Variants in ALKBH8 observed in about 807,000 individuals in gnomAD.
ALKBH8 encodes the protein tRNA (carboxymethyluridine(34)-5-O)-methyltransferase ALKBH8.
Under a neutral mutation model 59.8 loss-of-function variants are expected in ALKBH8, and 36 were observed. The ratio of observed to expected loss-of-function variants is 0.60; its 90% CI spans 0.46 to 0.79. ALKBH8 has a LOEUF of 0.79. ALKBH8 is among the 30% of genes least tolerant of loss of function. ALKBH8 has a pLI of 0.00. For synonymous variants in ALKBH8, 276 were observed against 273.6 expected (o/e 1.01, Z -0.09); for missense variants, 768 against 801.0 (o/e 0.96, Z 0.50).
At chr11:107,516,315 C>T (rs191038181) in intron 10 of ALKBH8, among the ~76,000 whole-genome samples, 11 of 152,308 alleles carry the variant, frequency 7.2e-5, no homozygotes, top group African/African-American at 2.6e-4. Flanking sequence ...CAGAACACAA[C>T]CAAATTTCCA....
intron 8 of ALKBH8, among the ~76,000 whole-genome samples, chr11:107,528,649 G>A (rs762461644): frequency 2.0e-5 from 3 of 152,114 alleles, no homozygotes; most frequent in Non-Finnish European, 4.4e-5. Flanking sequence ...CTTGCCTAAA[G>A]TTACACTTTA....
rs541024430 is a variant in ALKBH8, at chr11:107,510,971, G to T, written c.1353C>A (p.Val451=). The T allele has an allele frequency of 6.4e-7, 1 of 1,551,926 alleles. No individual in the cohort carries two copies. Among genetic ancestry groups the T allele is most frequent in the African/African-American group, 1.4e-5 (1 of 73,184 alleles). Residue 451 remains valine (V), a synonymous_variant, in exon 11 of 12, where the codon GTC becomes GTA. Transcript: ENST00000428149. ...GGACTGGTACTGCCAATGCATCACA[G>T]ACAAAAGCCTGAAATTGCCTCTCTC... is the stretch of plus-strand genomic sequence containing the variant. The part of the protein sequence containing the change: ...ICRERQFQAF[V]CDALAVPVRS...
intron 8 of ALKBH8, among the ~76,000 whole-genome samples, chr11:107,530,011 T>G (rs574136815): frequency 2.0e-5 from 3 of 152,318 alleles, no homozygotes; most frequent in African/African-American, 7.2e-5. Context: ...TTTCAGGTAC[T>G]GCTGCCAAGC....
rs1441692004 is a variant in ALKBH8 at position 107,553,152 on chromosome 11, T to C, written c.551A>G (p.His184Arg). ...TTTATCTACATTGTTGTTCTCATAGTGGAACTCATAACCAAAATGCTTTAC... is the reference window on the plus strand; with the variant it reads ...TTTATCTACATTGTTGTTCTCATAGCGGAACTCATAACCAAAATGCTTTAC... ...RRVKHFGYEF[H>R]YENNNVDKDK... Residue 184 changes from histidine to arginine, a missense_variant, in exon 5 of 12, where the codon CAC becomes CGC. By Grantham distance (29) the His-to-Arg change is conservative (BLOSUM62 0). Coordinates refer to ENST00000428149, the MANE Select transcript of ALKBH8 (RefSeq NM_138775.3). 1 of 1,610,776 alleles carries C rather than the reference T, an allele frequency of 6.2e-7. No individual in the cohort carries two copies. The highest frequency in any genetic ancestry group is 1.7e-5 in the Admixed American group (1 of 59,616).
At chr11:107,535,904 A>T (rs1053007749) in intron 7 of ALKBH8, among the ~76,000 whole-genome samples, 7 of 152,216 alleles carry the variant, frequency 4.6e-5, no homozygotes, top group Non-Finnish European at 8.8e-5. Context: ...GAAAGAAGAC[A>T]ATGGTGTTCT....
At position 107,528,201 on chromosome 11, in the gene ALKBH8, C is replaced by T. The variant is rs981428934; in HGVS notation, c.879-2609G>A. 3.9e-5 allele frequency among the ~76,000 whole-genome samples: 6 copies of T among 152,024 alleles called. No homozygotes were observed. In the East Asian group the frequency reaches 1.2e-3, roughly 29 times the overall value. Reference sequence around the variant, plus strand: ...TTTTTATGTATATTGCAGGATTTGACTTTCGAATGTTCTGTTATGGGTTTT... The same window carrying T: ...TTTTTATGTATATTGCAGGATTTGATTTTCGAATGTTCTGTTATGGGTTTT... On this transcript the variant is annotated intron_variant, in intron 8 of 11. Transcript: ENST00000428149.
At chr11:107,510,010 C>T (rs1274828258) in intron 11 of ALKBH8, among the ~76,000 whole-genome samples, 3 of 152,174 alleles carry the variant, frequency 2.0e-5, no homozygotes, top group African/African-American at 7.2e-5. Flanking sequence ...TTCAAGCCTT[C>T]CTCTATTTGC....
chr11:107,532,646 A>G (rs1427699276), intron 7 of ALKBH8, among the ~76,000 whole-genome samples: 1 of 152,186 alleles, frequency 6.6e-6, no homozygotes, highest in Non-Finnish European at 1.5e-5. Flanking sequence ...AGTAAGGCTC[A>G]GAAATCTCCA....
At chr11:107,534,148 A>G (rs1304040417) in intron 7 of ALKBH8, among the ~76,000 whole-genome samples, 1 of 152,134 alleles carries the variant, frequency 6.6e-6, no homozygotes, top group African/African-American at 2.4e-5. Context: ...ATAAATAAAT[A>G]AATAAATAAA....
chr11:107,560,151 G>C (rs998735245), intron 2 of ALKBH8, among the ~76,000 whole-genome samples: 3 of 152,122 alleles, frequency 2.0e-5, no homozygotes, highest in Admixed American at 6.6e-5. Context: ...GAAAAGCTAA[G>C]AGTTAAACTG....
At chr11:107,553,816 T>C (rs1864592535) in intron 4 of ALKBH8, 31 bp downstream of exon 4, 1 of 1,594,876 alleles carries the variant, frequency 6.3e-7, no homozygotes, top group South Asian at 1.1e-5. Flanking sequence ...GCAGAAACTT[T>C]CAAATATCAG....
intron 11 of ALKBH8, among the ~76,000 whole-genome samples, chr11:107,505,896 C>T (rs1377277136): frequency 6.6e-6 from 1 of 152,186 alleles, no homozygotes; most frequent in African/African-American, 2.4e-5. Flanking sequence ...GAGGTCAAAG[C>T]AGCTGAGGGA....
chr11:107,563,917 G>A (rs1865033232), intron 1 of ALKBH8, among the ~76,000 whole-genome samples: 1 of 152,140 alleles, frequency 6.6e-6, no homozygotes, highest in Non-Finnish European at 1.5e-5. Context: ...TGGCCTTTGA[G>A]GCTCAGTTTT....
At position 107,529,629 on chromosome 11, in the gene ALKBH8, C is replaced by T. The variant is rs947215049; in HGVS notation, c.878+2671G>A. Among the ~76,000 whole-genome samples the T allele has an allele frequency of 9.3e-5, 14 of 150,106 alleles. 1 individual carries two copies. Among genetic ancestry groups the T allele is most frequent in the East Asian group, 3.9e-4 (2 of 5,134 alleles). Reference sequence around the variant, plus strand: ...AAGTGATTCTCCTGCCTCAGCCTCCCGAGTAGCTGGGACTACAGGCACACG... The same window carrying T: ...AAGTGATTCTCCTGCCTCAGCCTCCTGAGTAGCTGGGACTACAGGCACACG... On this transcript the variant is annotated intron_variant, in intron 8 of 11. Coordinates refer to ENST00000428149, the MANE Select transcript of ALKBH8 (RefSeq NM_138775.3).
chr11:107,504,926 G>C lies in ALKBH8; in HGVS notation c.1727C>G (p.Ser576Cys). The change falls in exon 12 of 12, where the codon TCC (serine) becomes TGC (cysteine). Residue 576 changes from serine to cysteine, a missense_variant. By Grantham distance (112) the Ser-to-Cys change is moderately radical. Coordinates refer to ENST00000428149, the MANE Select transcript of ALKBH8 (RefSeq NM_138775.3). ...GGCNSRQVSN[S>C]KLPVHVNRTS... Reference sequence around the variant, plus strand: ...CCTGTTAACATGAACAGGCAGCTTGGAATTAGAAACTTGCCTTGAATTACA... The same window carrying C: ...CCTGTTAACATGAACAGGCAGCTTGCAATTAGAAACTTGCCTTGAATTACA... 2 of 1,551,918 alleles carry C rather than the reference G, an allele frequency of 1.3e-6. No individual in the cohort carries two copies. Among genetic ancestry groups the C allele is most frequent in the Non-Finnish European group, 1.7e-6 (2 of 1,147,002 alleles).
intron 9 of ALKBH8, among the ~76,000 whole-genome samples, chr11:107,523,647 G>A (rs1351251021): frequency 1.3e-5 from 2 of 149,560 alleles, no homozygotes; most frequent in African/African-American, 2.5e-5. Context: ...CTGTTGGCCA[G>A]GCTAGAGTGC....
At chr11:107,511,385 T>C (rs1008331678) in intron 10 of ALKBH8, among the ~76,000 whole-genome samples, 1 of 152,120 alleles carries the variant, frequency 6.6e-6, no homozygotes. Flanking sequence ...AACTGGAAAG[T>C]ATCACATAAA....
chr11:107,539,910 G>A (rs532677537), intron 7 of ALKBH8, among the ~76,000 whole-genome samples: 2 of 152,266 alleles, frequency 1.3e-5, no homozygotes, highest in East Asian at 1.9e-4. Flanking sequence ...TGAAGCCAGC[G>A]GCAATTTCAT....
At chr11:107,562,131 C>G (rs920153531) in intron 1 of ALKBH8, among the ~76,000 whole-genome samples, 3 of 151,990 alleles carry the variant, frequency 2.0e-5, no homozygotes, top group African/African-American at 7.3e-5. Flanking sequence ...AACTCTGTCT[C>G]TACTAAAAGT....
Sources: gnomAD v4.1 joint callset for allele counts (sites outside exome capture counted in the v4.1 genomes callset) on GRCh38, gnomAD v4.1.1 for gene constraint, MANE v1.5 for transcripts, NCBI Gene and HGNC (gene_info 2026-07-23, HGNC 2026-07-21) for gene names.